SMIM35: variants seen among roughly 807,000 people sequenced by gnomAD.
SMIM35 encodes the protein small integral membrane protein 35.
chr11:118,019,293 C>A (rs944526577), intron 1 of SMIM35, among the ~76,000 whole-genome samples: 1 of 152,088 alleles, frequency 6.6e-6, no homozygotes, highest in Non-Finnish European at 1.5e-5. Context: ...AAAGGTAGTA[C>A]AGAATAGTGA....
intron 1 of SMIM35, among the ~76,000 whole-genome samples, chr11:118,071,100 C>G (rs907811590): frequency 1.3e-5 from 2 of 152,238 alleles, no homozygotes; most frequent in South Asian, 2.1e-4. Flanking sequence ...TATATGGTAG[C>G]TATTTCCTTA....
chr11:118,068,225 C>T (rs985209169), intron 1 of SMIM35, among the ~76,000 whole-genome samples: 1 of 152,066 alleles, frequency 6.6e-6, no homozygotes. Context: ...CACACAGCCT[C>T]CTCTCTGGAC....
intron 1 of SMIM35, among the ~76,000 whole-genome samples, chr11:118,069,998 T>C (rs1255572822): frequency 6.6e-6 from 1 of 151,772 alleles, no homozygotes; most frequent in African/African-American, 2.4e-5. Flanking sequence ...AAGGCGGAGG[T>C]TGCAGTGAGT....
chr11:118,054,826 CAG>C, intron 1 of SMIM35, among the ~76,000 whole-genome samples: 1 of 136,134 alleles, frequency 7.3e-6, no homozygotes, highest in African/African-American at 2.8e-5. Flanking sequence ...TTTTTTGAGA[CAG>C]AGCTTTGTTC....
Position 118,005,978 on chromosome 11 carries a change from C to T in SMIM35, c.*432G>A. ...CTGTATGGGCTGTCATGGGGATGTG[C>T]ACAGGGGTCGATGGCGTGTGGAGAG... On this transcript the variant is annotated 3_prime_UTR_variant, in exon 5 of 5. Coordinates refer to ENST00000689828, the MANE Select transcript of SMIM35 (RefSeq NM_001394165.1). 1 of 152,510 alleles carries T rather than the reference C, an allele frequency of 6.6e-6. No homozygotes were observed. 9.4% of individuals were successfully genotyped at this position (152,510 alleles called of 1,614,324 possible).
intron 1 of SMIM35, among the ~76,000 whole-genome samples, chr11:118,029,424 C>T (rs1297398532): frequency 1.3e-5 from 2 of 152,198 alleles, no homozygotes; most frequent in African/African-American, 4.8e-5. Flanking sequence ...TCCAGTTAAG[C>T]TGTTGTTTCT....
At chr11:118,046,410 T>C (rs1188419208) in intron 1 of SMIM35, among the ~76,000 whole-genome samples, 1 of 152,196 alleles carries the variant, frequency 6.6e-6, no homozygotes, top group African/African-American at 2.4e-5. Context: ...TTTGCACTGA[T>C]GATAGGGTTT....
chr11:118,010,657 G>C (rs1425231612), intron 4 of SMIM35, among the ~76,000 whole-genome samples: 1 of 152,218 alleles, frequency 6.6e-6, no homozygotes, highest in African/African-American at 2.4e-5. Context: ...TCACAGCAAA[G>C]ACGGACTTGG....
At chr11:118,042,170 A>T (rs1281298167) in intron 1 of SMIM35, among the ~76,000 whole-genome samples, 4 of 151,894 alleles carry the variant, frequency 2.6e-5, no homozygotes, top group Admixed American at 6.6e-5. Context: ...ACAATAGAGA[A>T]CACTAACAAA....
At position 118,011,435 on chromosome 11, in the gene SMIM35, T is replaced by C. The variant is rs532456777; in HGVS notation, c.*33+2313A>G. 5.3e-5 allele frequency among the ~76,000 whole-genome samples: 8 copies of C among 152,308 alleles called. No homozygotes were observed. In the East Asian group the frequency reaches 1.4e-3, roughly 26 times the overall value. On this transcript the variant is annotated intron_variant, in intron 4 of 4. Coordinates refer to ENST00000689828, the MANE Select transcript of SMIM35 (RefSeq NM_001394165.1). ...GGCCAGGTGCAGCAGCTGACACCTATAATCCCAGCACTTTGGGAGGCCGAG... is the reference window on the plus strand; with the variant it reads ...GGCCAGGTGCAGCAGCTGACACCTACAATCCCAGCACTTTGGGAGGCCGAG...
intron 4 of SMIM35, among the ~76,000 whole-genome samples, chr11:118,012,229 T>C (rs2058154093): frequency 6.6e-6 from 1 of 152,158 alleles, no homozygotes; most frequent in South Asian, 2.1e-4. Flanking sequence ...CCCTACTCCA[T>C]CCACAGGAGC....
At chr11:118,035,686 A>G (rs1200985094) in intron 1 of SMIM35, among the ~76,000 whole-genome samples, 1 of 151,992 alleles carries the variant, frequency 6.6e-6, no homozygotes, top group African/African-American at 2.4e-5. Context: ...CCTCCTGGAG[A>G]CTCACACAGT....
chr11:118,023,436 A>C (rs933539862), intron 1 of SMIM35, among the ~76,000 whole-genome samples: 1 of 151,964 alleles, frequency 6.6e-6, no homozygotes, highest in African/African-American at 2.4e-5. Flanking sequence ...CATGTGCCAT[A>C]CTGGTGTGCT....
chr11:118,015,055 G>A (rs1261772689), intron 2 of SMIM35, among the ~76,000 whole-genome samples: 11 of 152,166 alleles, frequency 7.2e-5, no homozygotes, highest in Non-Finnish European at 1.5e-5. Flanking sequence ...CTATAATAAT[G>A]TCTTCCTCAT....
At chr11:118,084,443 G>A (rs1039843727) in intron 1 of SMIM35, among the ~76,000 whole-genome samples, 1 of 152,216 alleles carries the variant, frequency 6.6e-6, no homozygotes, top group Non-Finnish European at 1.5e-5. Context: ...CACTATTAAA[G>A]CACTATTTAT....
At chr11:118,034,361 C>A (rs2058342042) in intron 1 of SMIM35, among the ~76,000 whole-genome samples, 1 of 152,080 alleles carries the variant, frequency 6.6e-6, no homozygotes, top group South Asian at 2.1e-4. Flanking sequence ...TTGTTGATTA[C>A]TTTTTTAAAA....
At chr11:118,063,651 C>T (rs1296553123) in intron 1 of SMIM35, among the ~76,000 whole-genome samples, 2 of 152,126 alleles carry the variant, frequency 1.3e-5, no homozygotes, top group Non-Finnish European at 2.9e-5. Flanking sequence ...GGGTTTTAAG[C>T]CCCACCCCTA....
At chr11:118,064,856 G>A (rs1027990588) in intron 1 of SMIM35, among the ~76,000 whole-genome samples, 1 of 152,170 alleles carries the variant, frequency 6.6e-6, no homozygotes, top group Admixed American at 6.5e-5. Flanking sequence ...TATCACCCAA[G>A]CTGGTCTCAT....
chr11:118,085,195 T>A (rs1945448139), intron 1 of SMIM35, among the ~76,000 whole-genome samples: 1 of 151,354 alleles, frequency 6.6e-6, no homozygotes, highest in South Asian at 2.1e-4. Context: ...CAAAAGTTGT[T>A]CTACAGATGG....
Sources: allele counts gnomAD v4.1 joint callset (sites outside exome capture counted in the v4.1 genomes callset), GRCh38; gene constraint gnomAD v4.1.1; transcripts MANE v1.5; gene names NCBI Gene and HGNC (gene_info 2026-07-23, HGNC 2026-07-21).